PCLO: variants seen among roughly 807,000 people sequenced by gnomAD.
PCLO encodes piccolo presynaptic cytomatrix protein.
Under a neutral mutation model 427.5 loss-of-function variants are expected in PCLO, and 82 were observed. The ratio of observed to expected loss-of-function variants is 0.19; its 90% CI spans 0.16 to 0.23. The LOEUF (loss-of-function observed/expected upper bound fraction) is 0.23. Ranked by LOEUF, PCLO falls within the 10% of genes least tolerant of loss-of-function variation. The pLI is 1.00. For synonymous variants in PCLO, 2,357 were observed against 2,155.4 expected (o/e 1.09, Z -2.59); for missense variants, 6,239 against 6,115.9 (o/e 1.02, Z -0.67).
chr7:82,967,586 T>C (rs762176270), intron 3 of PCLO, among the ~76,000 whole-genome samples: 13 of 152,276 alleles, frequency 8.5e-5, no homozygotes, highest in East Asian at 1.9e-4. Context: ...CCAAAAACCA[T>C]TTTAGCAGAA....
At chr7:83,103,859 A>G (rs1381016851) in intron 3 of PCLO, among the ~76,000 whole-genome samples, 1 of 152,012 alleles carries the variant, frequency 6.6e-6, no homozygotes, top group Non-Finnish European at 1.5e-5. Context: ...TTCCTCAAAA[A>G]TAAATCTCAT....
intron 22 of PCLO, among the ~76,000 whole-genome samples, chr7:82,783,464 A>T (rs929516526): frequency 6.6e-6 from 1 of 152,098 alleles, no homozygotes; most frequent in Non-Finnish European, 1.5e-5. Flanking sequence ...AATACATTAA[A>T]AAAGAAAATT....
intron 3 of PCLO, among the ~76,000 whole-genome samples, chr7:83,126,876 A>G (rs1791451020): frequency 1.3e-5 from 2 of 152,254 alleles, no homozygotes; most frequent in South Asian, 2.1e-4. Flanking sequence ...GGCTCATGAA[A>G]TTGATAAATA....
At chr7:83,064,705 GGACA>G (rs771704450) in intron 3 of PCLO, among the ~76,000 whole-genome samples, 5 of 151,988 alleles carry the variant, frequency 3.3e-5, no homozygotes, top group African/African-American at 4.8e-5. Flanking sequence ...GTCTCTGAAA[GGACA>G]GACAGATTCT....
Position 82,760,680 on chromosome 7 carries a change from T to C in PCLO, c.15247A>G (p.Thr5083Ala), listed in dbSNP as rs766664411. Reference protein sequence around the residue: ...RHDREPSFNETFRFSLSPAGH... With the variant: ...RHDREPSFNEAFRFSLSPAGH... ...GCAGGACTTAGACTGAATCGAAAAGTTTCATTAAACGAAGGCTCTCGATCA... is the reference window on the plus strand; with the variant it reads ...GCAGGACTTAGACTGAATCGAAAAGCTTCATTAAACGAAGGCTCTCGATCA... The change falls in exon 24 of 25, where the codon ACT becomes GCT. Residue 5083 changes from threonine to alanine, a missense_variant. Around this residue, in one of 5 missense-constraint regions of PCLO, gnomAD observed 877 missense variants for 925.5 expected, o/e 0.95. Transcript: ENST00000333891. The C allele has an allele frequency of 6.2e-7, 1 of 1,606,456 alleles. No homozygotes were observed. The highest frequency in any genetic ancestry group is 2.2e-5 in the East Asian group (1 of 44,662).
At chr7:83,072,990 CCT>C (rs1475578365) in intron 3 of PCLO, among the ~76,000 whole-genome samples, 1 of 151,898 alleles carries the variant, frequency 6.6e-6, no homozygotes, top group Non-Finnish European at 1.5e-5. Context: ...CTCTCCCTTC[CCT>C]CTGTCTGTTT....
chr7:82,833,370 T>G (rs1002092223), intron 16 of PCLO, among the ~76,000 whole-genome samples: 1 of 152,184 alleles, frequency 6.6e-6, no homozygotes, highest in Non-Finnish European at 1.5e-5. Context: ...CCTTCATATA[T>G]GCTCATTTCC....
In PCLO at chr7:82,952,396, T is replaced by C. The variant is rs761763991; in HGVS notation, c.8557A>G (p.Ile2853Val). The C allele has an allele frequency of 8.1e-6, 13 of 1,613,814 alleles. No homozygotes were observed. The highest frequency in any genetic ancestry group is 6.6e-5 in the South Asian group (6 of 91,088). ...VFPIAREEAP[I>V]NLSLGTPAHA... Reference sequence around the variant, plus strand: ...GCTGGAGTACCTAGAGATAAGTTTATTGGTGCTTCTTCCCTAGCTATAGGA... The same window carrying C: ...GCTGGAGTACCTAGAGATAAGTTTACTGGTGCTTCTTCCCTAGCTATAGGA... The change falls in exon 5 of 25, where the codon ATA (isoleucine) becomes GTA (valine). Residue 2853 changes from isoleucine to valine, a missense_variant. This residue lies in a region of PCLO where 4,677 missense variants were observed against 4,468.4 expected (regional missense o/e 1.05). Transcript: ENST00000333891.
At position 82,950,792 on chromosome 7, in the gene PCLO, G is replaced by A; in HGVS notation, c.9796C>T (p.His3266Tyr). 1 of 1,613,720 alleles carries A rather than the reference G, an allele frequency of 6.2e-7. No homozygotes were observed. The highest frequency in any genetic ancestry group is 8.5e-7 in the Non-Finnish European group (1 of 1,179,834). ...KLEELQSMKQ[H>Y]LLFQQEEERQ... ...TCTTCTTCTTGCTGAAAGAGAAGGT[G>A]TTGCTTCATAGACTGCAGCTCCTCC... is the stretch of plus-strand genomic sequence containing the variant. Residue 3266 changes from histidine to tyrosine, a missense_variant, in exon 6 of 25, where the codon CAC (histidine) becomes TAC (tyrosine). His to Tyr is a moderately conservative substitution (Grantham distance 83). Around this residue, in one of 5 missense-constraint regions of PCLO, gnomAD observed 4,677 missense variants for 4,468.4 expected, o/e 1.05. Coordinates refer to ENST00000333891, the MANE Select transcript of PCLO (RefSeq NM_033026.6).
intron 16 of PCLO, among the ~76,000 whole-genome samples, chr7:82,835,134 C>T (rs937504242): frequency 1.9e-4 from 29 of 151,996 alleles, no homozygotes; most frequent in African/African-American, 5.3e-4. Flanking sequence ...TTAGTAGAGA[C>T]GGGGTTTCAC....
At position 82,995,706 on chromosome 7, in the gene PCLO, A is replaced by G. The variant is rs1246285883; in HGVS notation, c.3301-29219T>C. Among the ~76,000 whole-genome samples the G allele has an allele frequency of 2.6e-5, 4 of 151,974 alleles. No homozygotes were observed. The South Asian group carries it at 6.2e-4, about 24-fold the overall frequency. ...ACTTCCTAATTGTGTGGTCTTCACT[A>G]AGTTACCCATTTTTTTCTGTGTCTC... On this transcript the variant is annotated intron_variant, in intron 3 of 24. Coordinates refer to ENST00000333891, the MANE Select transcript of PCLO (RefSeq NM_033026.6).
intron 3 of PCLO, among the ~76,000 whole-genome samples, chr7:83,089,365 C>T (rs1333859955): frequency 1.3e-5 from 2 of 152,092 alleles, no homozygotes; most frequent in African/African-American, 4.8e-5. Flanking sequence ...CTTCACCAGT[C>T]TTTCTTATTC....
Position 83,154,936 on chromosome 7 carries a change from G to T in PCLO, c.1705C>A (p.Pro569Thr). 6.2e-7 allele frequency: 1 copy of T among 1,613,998 alleles called. No homozygotes were observed. The highest frequency in any genetic ancestry group is 2.2e-5 in the East Asian group (1 of 44,872). ...SQTGSGKPLQ[P>T]PTVSPSAKQP... is the part of the protein sequence containing the mutation. ...TTTGCAGATGGAGACACTGTTGGTGGCTGCAGAGGTTTTCCAGATCCTGTT... is the reference window on the plus strand; with the variant it reads ...TTTGCAGATGGAGACACTGTTGGTGTCTGCAGAGGTTTTCCAGATCCTGTT... Residue 569 changes from proline to threonine, a missense_variant, in exon 2 of 25, where the codon CCA (proline) becomes ACA (threonine). This residue lies in a region of PCLO where 4,677 missense variants were observed against 4,468.4 expected (regional missense o/e 1.05). Coordinates refer to ENST00000333891, the MANE Select transcript of PCLO (RefSeq NM_033026.6).
At chr7:83,003,114 A>G (rs966257834) in intron 3 of PCLO, among the ~76,000 whole-genome samples, 3 of 151,330 alleles carry the variant, frequency 2.0e-5, no homozygotes, top group Admixed American at 6.6e-5. Context: ...TTTCTTACCT[A>G]TATTTTATAT....
intron 10 of PCLO, among the ~76,000 whole-genome samples, chr7:82,861,281 A>G (rs1004702184): frequency 6.6e-6 from 1 of 152,046 alleles, no homozygotes; most frequent in African/African-American, 2.4e-5. Flanking sequence ...ATGCCAATGT[A>G]AACCAAAAAT....
chr7:82,851,578 G>T (rs1278433343), intron 10 of PCLO, among the ~76,000 whole-genome samples: 4 of 151,032 alleles, frequency 2.6e-5, no homozygotes, highest in Non-Finnish European at 1.5e-5. Context: ...AATGAATAAA[G>T]AAATGAAAAA....
intron 3 of PCLO, among the ~76,000 whole-genome samples, chr7:82,970,518 A>G (rs1795877921): frequency 6.6e-6 from 1 of 151,950 alleles, no homozygotes; most frequent in Non-Finnish European, 1.5e-5. Context: ...TATAAGCCAC[A>G]AAAGAGTATG....
At chr7:82,854,773 ACT>A (rs1177924649) in intron 10 of PCLO, among the ~76,000 whole-genome samples, 2 of 151,846 alleles carry the variant, frequency 1.3e-5, no homozygotes, top group South Asian at 2.1e-4. Flanking sequence ...TGTATTTGAA[ACT>A]CTCATTGATT....
intron 9 of PCLO, among the ~76,000 whole-genome samples, chr7:82,882,247 A>G (rs1052787226): frequency 2.0e-5 from 3 of 152,234 alleles, no homozygotes; most frequent in Non-Finnish European, 4.4e-5. Flanking sequence ...TCAAATCTAG[A>G]AAGCAGAATA....
Sources: allele counts gnomAD v4.1 joint callset (sites outside exome capture counted in the v4.1 genomes callset), GRCh38; gene constraint gnomAD v4.1.1; regional missense constraint gnomAD v4.1.1; transcripts MANE v1.5; gene names NCBI Gene and HGNC (gene_info 2026-07-23, HGNC 2026-07-21).